The following PCED1B variants were observed in gnomAD, a reference collection of about 807,000 sequenced individuals.
The protein encoded by PCED1B is PC-esterase domain containing 1B, also known as PC-esterase domain-containing protein 1B.
For synonymous variants in PCED1B, 251 were observed against 246.1 expected, an observed-to-expected ratio of 1.02 and a Z score of -0.19; for missense variants, 573 against 573.9, an observed-to-expected ratio of 1.00 and a Z score of 0.02.
intron 3 of PCED1B, among the ~76,000 whole-genome samples, chr12:47,220,778 T>C (rs998440098): frequency 6.6e-6 from 1 of 152,182 alleles, no homozygotes; most frequent in African/African-American, 2.4e-5. Flanking sequence ...AGGAGAGATT[T>C]TTCTATCTAG....
At chr12:47,118,985 T>C (rs1939556104) in intron 2 of PCED1B, among the ~76,000 whole-genome samples, 1 of 152,080 alleles carries the variant, frequency 6.6e-6, no homozygotes, top group African/African-American at 2.4e-5. Context: ...CATGAGTGTT[T>C]TTAAAACCTT....
chr12:47,220,451 C>T (rs1451489706), intron 3 of PCED1B, among the ~76,000 whole-genome samples: 4 of 152,130 alleles, frequency 2.6e-5, no homozygotes, highest in African/African-American at 9.7e-5. Flanking sequence ...GGATTACAGG[C>T]GTGAGCCACT....
chr12:47,116,473 G>C (rs189978565), intron 2 of PCED1B, among the ~76,000 whole-genome samples: 1 of 152,010 alleles, frequency 6.6e-6, no homozygotes, highest in African/African-American at 2.4e-5. Flanking sequence ...TTTTTTTCTA[G>C]TCACAAAATT....
chr12:47,083,995 G>A (rs1478639662), intron 1 of PCED1B, among the ~76,000 whole-genome samples: 1 of 152,156 alleles, frequency 6.6e-6, no homozygotes, highest in Non-Finnish European at 1.5e-5. Flanking sequence ...GCAGTTCAGT[G>A]ATTGTTTAAT....
intron 2 of PCED1B, among the ~76,000 whole-genome samples, chr12:47,198,135 G>C (rs1335661175): frequency 6.6e-6 from 1 of 152,064 alleles, no homozygotes; most frequent in Non-Finnish European, 1.5e-5. Flanking sequence ...CATAAATCCA[G>C]AAATTCTCAA....
chr12:47,081,178 C>A (rs1041953515), intron 1 of PCED1B, among the ~76,000 whole-genome samples: 16 of 152,188 alleles, frequency 1.1e-4, no homozygotes, highest in African/African-American at 3.4e-4. Context: ...AAATTACTGC[C>A]TTGACAAAAG....
intron 3 of PCED1B, among the ~76,000 whole-genome samples, chr12:47,229,589 G>A (rs371987688): frequency 2.2e-4 from 34 of 152,192 alleles, no homozygotes; most frequent in East Asian, 2.1e-3. Context: ...TATACACATA[G>A]CCTGAAGGTA....
intron 2 of PCED1B, among the ~76,000 whole-genome samples, chr12:47,109,077 C>G (rs1156666372): frequency 6.6e-6 from 1 of 152,132 alleles, no homozygotes; most frequent in African/African-American, 2.4e-5. Context: ...TGGAATTATT[C>G]TAGGTTGAAT....
At chr12:47,186,199 C>T (rs529664797) in intron 2 of PCED1B, among the ~76,000 whole-genome samples, 1 of 141,712 alleles carries the variant, frequency 7.1e-6, no homozygotes, top group East Asian at 2.1e-4. Flanking sequence ...GCCTGGGTGA[C>T]AGAGTGAGAC....
chr12:47,200,894 CTG>C (rs1942743822), intron 2 of PCED1B, among the ~76,000 whole-genome samples: 1 of 152,218 alleles, frequency 6.6e-6, no homozygotes, highest in African/African-American at 2.4e-5. Context: ...CATTTAAATT[CTG>C]TTTCCCCAGT....
intron 3 of PCED1B, among the ~76,000 whole-genome samples, chr12:47,227,494 ATGC>A (rs1943669018): frequency 6.6e-6 from 1 of 151,962 alleles, no homozygotes; most frequent in Non-Finnish European, 1.5e-5. Context: ...TCTAACTGGA[ATGC>A]TTCTTCCCAG....
At chr12:47,224,275 G>T (rs1943570043) in intron 3 of PCED1B, among the ~76,000 whole-genome samples, 1 of 152,140 alleles carries the variant, frequency 6.6e-6, no homozygotes, top group Non-Finnish European at 1.5e-5. Flanking sequence ...TTTATCTTTG[G>T]TTTTTACAGA....
intron 2 of PCED1B, among the ~76,000 whole-genome samples, chr12:47,115,848 C>T (rs181039091): frequency 2.0e-4 from 31 of 152,204 alleles, no homozygotes; most frequent in African/African-American, 6.0e-4. Flanking sequence ...TAATTGTATA[C>T]GACAAAGTGA....
intron 3 of PCED1B, among the ~76,000 whole-genome samples, chr12:47,226,301 AT>A (rs1377267705): frequency 1.3e-5 from 2 of 152,182 alleles, no homozygotes; most frequent in Admixed American, 6.5e-5. Context: ...CAGGTACTTA[AT>A]TTACATACAT....
Position 47,235,311 on chromosome 12 carries a change from G to A in PCED1B, c.248G>A (p.Arg83His), listed in dbSNP as rs1176026285. 6.2e-7 allele frequency: 1 copy of A among 1,613,980 alleles called. No individual in the cohort carries two copies. ...GLNYREVREF[R>H]SDHHLVRFYF... ...AACTACCGTGAGGTCCGCGAGTTCC[G>A]CTCCGACCACCATCTGGTACGTTTT... The change falls in exon 4 of 4, where the codon CGC (arginine) becomes CAC (histidine). Residue 83 changes from arginine to histidine, a missense_variant. Transcript: ENST00000546455.
intron 2 of PCED1B, among the ~76,000 whole-genome samples, chr12:47,173,813 G>A (rs1422301926): frequency 6.6e-6 from 1 of 152,156 alleles, no homozygotes; most frequent in Non-Finnish European, 1.5e-5. Flanking sequence ...TTAAAAAAAT[G>A]ATTATACGAG....
intron 2 of PCED1B, among the ~76,000 whole-genome samples, chr12:47,194,625 T>C (rs832742): frequency 0.16 from 23,718 of 152,212 alleles, 3,736 homozygotes; most frequent in African/African-American, 0.4. Flanking sequence ...TGAAGCTTCT[T>C]AGAATATTGA....
intron 2 of PCED1B, among the ~76,000 whole-genome samples, chr12:47,142,749 T>G (rs1940641662): frequency 1.3e-5 from 2 of 151,968 alleles, no homozygotes. Flanking sequence ...AAAAACAGAT[T>G]ATTTGAAATT....
At chr12:47,197,238 CAAAA>C (rs57095369) in intron 2 of PCED1B, among the ~76,000 whole-genome samples, 5 of 58,596 alleles carry the variant, frequency 8.5e-5, no homozygotes, top group African/African-American at 2.9e-4. Flanking sequence ...GACTCTGTCT[CAAAA>C]AAAAAAAAAA....
Sources: allele counts gnomAD v4.1 joint callset (sites outside exome capture counted in the v4.1 genomes callset), GRCh38; gene constraint gnomAD v4.1.1; transcripts MANE v1.5; gene names NCBI Gene and HGNC (gene_info 2026-07-23, HGNC 2026-07-21).